The following LIMS1 variants were observed in gnomAD, a reference collection of about 807,000 sequenced individuals.
LIMS1 encodes LIM and senescent cell antigen-like-containing domain protein 1.
A neutral mutation model predicts 44.1 loss-of-function variants in LIMS1; 18 were observed. The observed-to-expected ratio is 0.41, with a 90% CI of 0.28 to 0.61. LIMS1 has a LOEUF of 0.61. Among genes scored for constraint, LIMS1 ranks in the 20% least tolerant of loss-of-function variants. LIMS1 has a pLI of 0.32. For synonymous variants in LIMS1, 93 were observed against 149.1 expected (o/e 0.62, Z 2.74); for missense variants, 201 against 422.0 (o/e 0.48, Z 4.59).
At chr2:108,551,471 A>G (rs1684692263) in intron 1 of LIMS1, among the ~76,000 whole-genome samples, 1 of 131,942 alleles carries the variant, frequency 7.6e-6, no homozygotes, top group South Asian at 2.4e-4. Context: ...CACACTCTAT[A>G]TACATATATG....
chr2:108,662,309 C>T, intron 2 of LIMS1: 1 of 1,611,816 alleles, frequency 6.2e-7, no homozygotes. Context: ...TAGGCCCTGT[C>T]AGCTGTGAGG....
intron 1 of LIMS1, chr2:108,607,244 A>T (rs1353131322): frequency 6.4e-7 from 1 of 1,551,160 alleles, no homozygotes; most frequent in East Asian, 2.4e-5. Context: ...TCGAATCAAG[A>T]TACATGACAT....
chr2:108,643,046 T>G (rs1471098453), intron 1 of LIMS1, among the ~76,000 whole-genome samples: 1 of 152,124 alleles, frequency 6.6e-6, no homozygotes, highest in African/African-American at 2.4e-5. Flanking sequence ...AAATGACAAA[T>G]TCATCAACTG....
intron 1 of LIMS1, among the ~76,000 whole-genome samples, chr2:108,540,327 T>C (rs1684277677): frequency 1.3e-5 from 2 of 150,352 alleles, no homozygotes; most frequent in Non-Finnish European, 3.0e-5. Context: ...GCTTCCCAAG[T>C]AGCTAGGACT....
At chr2:108,551,596 C>CTA (rs751732057) in intron 1 of LIMS1, among the ~76,000 whole-genome samples, 1,639 of 133,856 alleles carry the variant, frequency 0.012, 18 homozygotes, top group Non-Finnish European at 0.019. Flanking sequence ...GGCATGGTTC[C>CTA]TATATATATA....
At chr2:108,558,612 C>A (rs1346436190) in intron 1 of LIMS1, among the ~76,000 whole-genome samples, 1 of 151,716 alleles carries the variant, frequency 6.6e-6, no homozygotes, top group East Asian at 1.9e-4. Flanking sequence ...GCATTGGAGA[C>A]AAATATCCTT....
At chr2:108,681,401 A>C in intron 9 of LIMS1, 2 of 980,320 alleles carry the variant, frequency 2.0e-6, no homozygotes, top group Non-Finnish European at 2.4e-6. Context: ...CTCATTTTTT[A>C]AACACCATAT....
chr2:108,652,883 C>G (rs1006399119), intron 1 of LIMS1, among the ~76,000 whole-genome samples: 1 of 152,078 alleles, frequency 6.6e-6, no homozygotes, highest in African/African-American at 2.4e-5. Context: ...TCTTCCCCTC[C>G]CTCCCTGCCT....
In LIMS1 at chr2:108,562,173, C is replaced by T. The variant is rs139612368; in HGVS notation, c.32+27579C>T. On this transcript the variant is annotated intron_variant, in intron 1 of 9. Transcript: ENST00000544547. ...ACTGCTATACTTACTGGCCATTTGC[C>T]GATCTCTCACCCTCTCCTTGGGCCT... is the stretch of plus-strand genomic sequence containing the variant. 7.4e-5 allele frequency among the ~76,000 whole-genome samples: 11 copies of T among 148,622 alleles called. No individual in the cohort carries two copies. In the East Asian group the frequency reaches 1.2e-3, roughly 16 times the overall value.
At position 108,664,923 on chromosome 2, in the gene LIMS1, A is replaced by G. The variant is rs1453582970; in HGVS notation, c.192+5159A>G. On this transcript the variant is annotated intron_variant, in intron 2 of 9. Transcript: ENST00000544547. ...TCCTTTTCTCTTTGCCTGAAAACAT[A>G]TTTATATTCACAATAGTACTTCTCT... is the stretch of plus-strand genomic sequence containing the variant. Among the ~76,000 whole-genome samples, 6 of 152,180 alleles carry G rather than the reference A, an allele frequency of 3.9e-5. No individual in the cohort carries two copies. In the East Asian group the frequency reaches 1.2e-3, roughly 29 times the overall value.
intron 1 of LIMS1, among the ~76,000 whole-genome samples, chr2:108,590,242 G>A (rs1686312844): frequency 1.3e-5 from 2 of 152,196 alleles, no homozygotes; most frequent in Non-Finnish European, 2.9e-5. Context: ...TATGTTGTGT[G>A]TATGTACACG....
At chr2:108,550,899 T>G (rs1037465434) in intron 1 of LIMS1, among the ~76,000 whole-genome samples, 1 of 151,774 alleles carries the variant, frequency 6.6e-6, no homozygotes, top group Non-Finnish European at 1.5e-5. Context: ...GGTGGGAGGA[T>G]TGCTTGAGGC....
chr2:108,632,540 G>A (rs894402316), intron 1 of LIMS1, among the ~76,000 whole-genome samples: 1 of 152,174 alleles, frequency 6.6e-6, no homozygotes, highest in African/African-American at 2.4e-5. Flanking sequence ...GAGTCCTGAT[G>A]TTCTGGACAC....
intron 5 of LIMS1, 139 bp from the exon 6 acceptor site, chr2:108,675,739 T>C: frequency 4.1e-6 from 4 of 980,336 alleles, no homozygotes; most frequent in Non-Finnish European, 6.2e-6. Flanking sequence ...GTTATTCTGA[T>C]CACCTCTAAA....
intron 1 of LIMS1, among the ~76,000 whole-genome samples, chr2:108,637,863 A>ATT (rs11312101): frequency 7.0e-6 from 1 of 143,842 alleles, no homozygotes; most frequent in African/African-American, 2.6e-5. Context: ...AAATTTTAAG[A>ATT]TTTTTTTTTT....
At chr2:108,628,879 C>G (rs1386392040) in intron 1 of LIMS1, among the ~76,000 whole-genome samples, 2 of 152,232 alleles carry the variant, frequency 1.3e-5, no homozygotes, top group Non-Finnish European at 2.9e-5. Flanking sequence ...GTGGCACAAT[C>G]TTTGCTCCCT....
At chr2:108,570,677 A>G (rs1685452061) in intron 1 of LIMS1, among the ~76,000 whole-genome samples, 1 of 152,174 alleles carries the variant, frequency 6.6e-6, no homozygotes, top group Admixed American at 6.5e-5. Context: ...CGCATCTCAG[A>G]GGGAACGTGG....
At chr2:108,643,389 C>T (rs889858990) in intron 1 of LIMS1, among the ~76,000 whole-genome samples, 4 of 152,156 alleles carry the variant, frequency 2.6e-5, no homozygotes, top group African/African-American at 9.7e-5. Flanking sequence ...CCGGGAAGCG[C>T]AAGGGGTTGG....
intron 1 of LIMS1, among the ~76,000 whole-genome samples, chr2:108,596,583 G>T (rs1431207269): frequency 1.3e-5 from 2 of 152,294 alleles, no homozygotes; most frequent in African/African-American, 4.8e-5. Context: ...TAGCACTTTG[G>T]GAGGCCAAGA....
Sources: gnomAD v4.1 joint callset for allele counts (sites outside exome capture counted in the v4.1 genomes callset) on GRCh38, gnomAD v4.1.1 for gene constraint, MANE v1.5 for transcripts, NCBI Gene and HGNC (gene_info 2026-07-23, HGNC 2026-07-21) for gene names.